CSMD1: variants seen among roughly 807,000 people sequenced by gnomAD.
The protein encoded by CSMD1 is CUB and Sushi multiple domains 1.
A neutral mutation model predicts 417.5 loss-of-function variants in CSMD1; 213 were observed. That is an observed-to-expected ratio of 0.51 (90% CI 0.46 to 0.57). CSMD1 has a LOEUF of 0.57. CSMD1 is among the 20% of genes least tolerant of loss of function. The pLI is 0.00. For synonymous variants in CSMD1, 2,862 were observed against 1,736.8 expected (o/e 1.65, Z -16.11); for missense variants, 6,923 against 4,529.7 (o/e 1.53, Z -15.17).
intron 1 of CSMD1, among the ~76,000 whole-genome samples, chr8:4,925,142 G>T (rs770759326): frequency 1.3e-5 from 2 of 149,706 alleles, no homozygotes; most frequent in Non-Finnish European, 3.0e-5. Flanking sequence ...TAGTCCCTGA[G>T]CAGCAGACAC....
At chr8:4,333,263 A>C (rs766372315) in intron 3 of CSMD1, among the ~76,000 whole-genome samples, 9 of 152,128 alleles carry the variant, frequency 5.9e-5, no homozygotes, top group Non-Finnish European at 1.2e-4. Flanking sequence ...TATTAAAGCC[A>C]ATCCTGACGC....
chr8:2,940,506 C>A (rs1029719907), intron 69 of CSMD1, among the ~76,000 whole-genome samples: 2 of 152,110 alleles, frequency 1.3e-5, no homozygotes, highest in African/African-American at 2.4e-5. Context: ...AAAATAAGCG[C>A]TATCTCCCTT....
chr8:4,546,093 A>T (rs1797618274), intron 2 of CSMD1, among the ~76,000 whole-genome samples: 1 of 152,194 alleles, frequency 6.6e-6, no homozygotes, highest in Non-Finnish European at 1.5e-5. Context: ...CCCAGGTATA[A>T]ATGGAAAGAT....
chr8:3,431,979 A>G (rs1381790058), intron 12 of CSMD1, among the ~76,000 whole-genome samples: 1 of 152,068 alleles, frequency 6.6e-6, no homozygotes, highest in Non-Finnish European at 1.5e-5. Context: ...AGTATCACAG[A>G]CTCGAATGTG....
At chr8:3,832,713 A>G (rs1802448156) in intron 5 of CSMD1, among the ~76,000 whole-genome samples, 1 of 152,194 alleles carries the variant, frequency 6.6e-6, no homozygotes, top group Admixed American at 6.6e-5. Flanking sequence ...GAACGAAACA[A>G]AAATAGGACT....
intron 1 of CSMD1, among the ~76,000 whole-genome samples, chr8:4,813,521 T>C (rs925266636): frequency 1.3e-5 from 2 of 152,228 alleles, no homozygotes; most frequent in Non-Finnish European, 2.9e-5. Context: ...CTAAGCATAA[T>C]GAGCAAACAC....
chr8:3,735,941 A>G (rs1563324604), intron 6 of CSMD1, among the ~76,000 whole-genome samples: 1 of 151,698 alleles, frequency 6.6e-6, no homozygotes, highest in South Asian at 2.1e-4. Flanking sequence ...CTTGCTAGGG[A>G]AAGAAAATAA....
intron 5 of CSMD1, among the ~76,000 whole-genome samples, chr8:3,989,856 T>C (rs938135685): frequency 2.0e-5 from 3 of 152,144 alleles, no homozygotes; most frequent in East Asian, 1.9e-4. Flanking sequence ...TGGAGGAGTA[T>C]AGGATTGCAC....
intron 1 of CSMD1, among the ~76,000 whole-genome samples, chr8:4,868,007 G>A (rs1459474053): frequency 2.6e-5 from 4 of 151,978 alleles, no homozygotes; most frequent in African/African-American, 9.7e-5. Flanking sequence ...TCACAAAACT[G>A]CTAAATGCGG....
intron 1 of CSMD1, among the ~76,000 whole-genome samples, chr8:4,783,212 G>C (rs1344654023): frequency 6.6e-6 from 1 of 152,172 alleles, no homozygotes; most frequent in Non-Finnish European, 1.5e-5. Context: ...CATTAAATAA[G>C]AATTGTATTT....
chr8:4,719,802 A>G lies in CSMD1; in HGVS notation c.86-82244T>C, dbSNP rs1281493651. 5.3e-5 allele frequency among the ~76,000 whole-genome samples: 8 copies of G among 152,270 alleles called. No homozygotes were observed. In the East Asian group the frequency reaches 1.5e-3, roughly 29 times the overall value. On this transcript the variant is annotated intron_variant, in intron 1 of 69. Coordinates refer to ENST00000635120, the MANE Select transcript of CSMD1 (RefSeq NM_033225.6). ...TTATTTCCCTTTGAGAGCTTGAACT[A>G]TTGCTGCCTTTTACTTTCATAAATA... is the stretch of plus-strand genomic sequence containing the variant.
intron 1 of CSMD1, among the ~76,000 whole-genome samples, chr8:4,842,059 G>T (rs745844216): frequency 6.6e-6 from 1 of 151,838 alleles, no homozygotes; most frequent in Non-Finnish European, 1.5e-5. Context: ...CAATCAACAT[G>T]TAAATTTCCT....
intron 3 of CSMD1, among the ~76,000 whole-genome samples, chr8:4,215,609 A>T (rs1585038233): frequency 6.6e-6 from 1 of 152,192 alleles, no homozygotes; most frequent in African/African-American, 2.4e-5. Context: ...ATGCAAAAAC[A>T]TGTTTACTTT....
intron 1 of CSMD1, among the ~76,000 whole-genome samples, chr8:4,943,863 A>G (rs928712021): frequency 1.3e-5 from 2 of 152,364 alleles, no homozygotes; most frequent in Middle Eastern, 3.4e-3. Context: ...AGAGCCATAA[A>G]TAAGTGTAAG....
chr8:4,630,025 T>A (rs997835695), intron 2 of CSMD1, among the ~76,000 whole-genome samples: 3 of 152,158 alleles, frequency 2.0e-5, no homozygotes, highest in Admixed American at 6.5e-5. Context: ...CATATTAGTA[T>A]GGTTTTGCTG....
At chr8:3,999,691 T>G (rs563628890) in intron 4 of CSMD1, among the ~76,000 whole-genome samples, 7 of 152,196 alleles carry the variant, frequency 4.6e-5, no homozygotes, top group Non-Finnish European at 1.0e-4. Context: ...GGCATTCTCA[T>G]GCTGTTTATG....
intron 1 of CSMD1, among the ~76,000 whole-genome samples, chr8:4,770,714 G>C (rs972250119): frequency 2.1e-4 from 26 of 125,962 alleles, no homozygotes; most frequent in African/African-American, 7.0e-4. Context: ...AATGGGGAAA[G>C]AATAATCTTG....
chr8:4,202,665 C>T (rs1054729610), intron 3 of CSMD1, among the ~76,000 whole-genome samples: 1 of 152,188 alleles, frequency 6.6e-6, no homozygotes, highest in Non-Finnish European at 1.5e-5. Context: ...CCTGTAGCTA[C>T]ACTCATAAAA....
At chr8:3,601,539 G>A (rs947723277) in intron 8 of CSMD1, among the ~76,000 whole-genome samples, 2 of 152,090 alleles carry the variant, frequency 1.3e-5, no homozygotes, top group Admixed American at 6.6e-5. Context: ...ATCACAGCAG[G>A]CACTTATAAA....
Sources: allele counts gnomAD v4.1 joint callset (sites outside exome capture counted in the v4.1 genomes callset), GRCh38; gene constraint gnomAD v4.1.1; transcripts MANE v1.5; gene names NCBI Gene and HGNC (gene_info 2026-07-23, HGNC 2026-07-21).